The following SLC35F1 variants were observed in gnomAD, a reference collection of about 807,000 sequenced individuals.
SLC35F1 encodes chromosome 6 open reading frame 169.
SLC35F1 carries 14 observed loss-of-function variants against 48.7 expected under a neutral mutation model. The observed-to-expected ratio is 0.29, with a 90% CI of 0.19 to 0.45. The LOEUF (loss-of-function observed/expected upper bound fraction) is 0.45, where lower values mean the gene tolerates loss of function less well. Among genes scored for constraint, SLC35F1 ranks in the 20% least tolerant of loss-of-function variants. The pLI, the probability that SLC35F1 is intolerant of heterozygous loss-of-function variation, is 1.00. For missense variants in SLC35F1, 404 were observed against 500.0 expected (o/e 0.81, Z 1.83); for synonymous variants, 190 against 202.2 (o/e 0.94, Z 0.51).
intron 1 of SLC35F1, among the ~76,000 whole-genome samples, chr6:118,117,847 G>A (rs1378855789): frequency 1.3e-5 from 2 of 152,046 alleles, no homozygotes; most frequent in Non-Finnish European, 2.9e-5. Context: ...ATTCTCCTTG[G>A]GGTTTGACTT....
chr6:118,162,922 C>T (rs1266983228), intron 2 of SLC35F1, among the ~76,000 whole-genome samples: 2 of 151,776 alleles, frequency 1.3e-5, no homozygotes, highest in African/African-American at 4.8e-5. Context: ...TCCAATAGTG[C>T]ATTTCGTGTG....
At chr6:118,096,505 G>T (rs1239044977) in intron 1 of SLC35F1, among the ~76,000 whole-genome samples, 4 of 152,186 alleles carry the variant, frequency 2.6e-5, no homozygotes, top group Non-Finnish European at 5.9e-5. Flanking sequence ...TGGGTATTCA[G>T]TTTTGGCTGA....
At chr6:118,304,745 A>G (rs577325983) in intron 7 of SLC35F1, among the ~76,000 whole-genome samples, 74 of 152,092 alleles carry the variant, frequency 4.9e-4, no homozygotes, top group African/African-American at 1.7e-3. Context: ...CGATGCTCAC[A>G]ATGATTTCAT....
chr6:118,030,552 G>A (rs983215428), intron 1 of SLC35F1, among the ~76,000 whole-genome samples: 7 of 152,138 alleles, frequency 4.6e-5, no homozygotes, highest in African/African-American at 4.8e-5. Context: ...TCTTAAAAAG[G>A]AGAAAGTTGT....
At chr6:118,171,284 G>A (rs1774400351) in intron 2 of SLC35F1, among the ~76,000 whole-genome samples, 1 of 152,086 alleles carries the variant, frequency 6.6e-6, no homozygotes, top group South Asian at 2.1e-4. Flanking sequence ...AAGAACTTTG[G>A]CCTCCCAAAG....
At chr6:118,178,803 A>G (rs1279242972) in intron 2 of SLC35F1, among the ~76,000 whole-genome samples, 1 of 152,170 alleles carries the variant, frequency 6.6e-6, no homozygotes, top group South Asian at 2.1e-4. Flanking sequence ...TGTGATTGAC[A>G]TATAATCAGA....
At chr6:118,011,976 G>C (rs1053816983) in intron 1 of SLC35F1, among the ~76,000 whole-genome samples, 4 of 152,166 alleles carry the variant, frequency 2.6e-5, no homozygotes, top group Non-Finnish European at 5.9e-5. Flanking sequence ...TTCTCAGAAT[G>C]ATCACCTTAT....
chr6:118,267,477 G>A (rs113912402), intron 4 of SLC35F1, among the ~76,000 whole-genome samples: 4 of 152,308 alleles, frequency 2.6e-5, no homozygotes, highest in South Asian at 4.1e-4. Context: ...TGAACCAGCT[G>A]CCTGGCCCAA....
At chr6:118,084,434 G>A (rs541353087) in intron 1 of SLC35F1, among the ~76,000 whole-genome samples, 14 of 152,102 alleles carry the variant, frequency 9.2e-5, no homozygotes, top group Admixed American at 5.2e-4. Flanking sequence ...GTTTCTAAAC[G>A]ATACAAGGCT....
chr6:117,940,352 A>G (rs1025561332), intron 1 of SLC35F1, among the ~76,000 whole-genome samples: 25 of 152,154 alleles, frequency 1.6e-4, no homozygotes, highest in African/African-American at 5.8e-4. Context: ...GGGACATTTA[A>G]TCTATACTAG....
At chr6:117,967,160 A>T (rs954616946) in intron 1 of SLC35F1, among the ~76,000 whole-genome samples, 4 of 152,202 alleles carry the variant, frequency 2.6e-5, no homozygotes, top group Admixed American at 1.3e-4. Flanking sequence ...TGAAAGTATG[A>T]AACACACAAA....
chr6:118,187,727 A>G (rs1774679250), intron 2 of SLC35F1, among the ~76,000 whole-genome samples: 1 of 152,258 alleles, frequency 6.6e-6, no homozygotes, highest in Non-Finnish European at 1.5e-5. Context: ...TGCCTGAGCC[A>G]GAAAACAAAA....
chr6:118,121,193 C>T (rs571926005), intron 1 of SLC35F1, among the ~76,000 whole-genome samples: 10 of 152,166 alleles, frequency 6.6e-5, no homozygotes, highest in East Asian at 3.9e-4. Flanking sequence ...ATTAGCATGA[C>T]GATGTTCACT....
At chr6:118,277,305 G>C (rs760074187) in intron 5 of SLC35F1, among the ~76,000 whole-genome samples, 189 bp from the exon 6 acceptor site, 9 of 152,154 alleles carry the variant, frequency 5.9e-5, no homozygotes, top group Admixed American at 5.2e-4. Context: ...CACACCGACC[G>C]GGTTCTTCAG....
intron 2 of SLC35F1, among the ~76,000 whole-genome samples, chr6:118,183,370 AT>A (rs1474683265): frequency 6.6e-6 from 1 of 152,188 alleles, no homozygotes; most frequent in Non-Finnish European, 1.5e-5. Flanking sequence ...GTGCTAAGAC[AT>A]GCGTGGAAGA....
intron 1 of SLC35F1, among the ~76,000 whole-genome samples, chr6:118,034,263 C>G (rs111791852): frequency 3.9e-5 from 6 of 152,010 alleles, no homozygotes; most frequent in African/African-American, 1.4e-4. Context: ...TCAGGCAACA[C>G]AAAAACAGGC....
At chr6:117,995,862 T>C (rs973853085) in intron 1 of SLC35F1, among the ~76,000 whole-genome samples, 5 of 152,242 alleles carry the variant, frequency 3.3e-5, no homozygotes, top group Non-Finnish European at 5.9e-5. Context: ...GATTATATGG[T>C]ATCGTAAATC....
chr6:118,031,265 A>G (rs191947974), intron 1 of SLC35F1, among the ~76,000 whole-genome samples: 1 of 152,252 alleles, frequency 6.6e-6, no homozygotes, highest in African/African-American at 2.4e-5. Context: ...TTTTAAGTAA[A>G]TGTATGTCTT....
intron 2 of SLC35F1, among the ~76,000 whole-genome samples, chr6:118,160,578 C>T (rs142882523): frequency 4.9e-4 from 75 of 152,232 alleles, no homozygotes; most frequent in African/African-American, 1.7e-3. Context: ...ATGAGAAATA[C>T]TCACATTGAG....
Sources: gnomAD v4.1 joint callset for allele counts (sites outside exome capture counted in the v4.1 genomes callset) on GRCh38, gnomAD v4.1.1 for gene constraint, MANE v1.5 for transcripts, NCBI Gene and HGNC (gene_info 2026-07-23, HGNC 2026-07-21) for gene names.